SOX5: variants seen among roughly 807,000 people sequenced by gnomAD.
SOX5 encodes the protein SRY-box transcription factor 5.
SOX5 carries 9 observed loss-of-function variants against 92.0 expected under a neutral mutation model. That is an observed-to-expected ratio of 0.10 (90% CI 0.06 to 0.17). SOX5 has a LOEUF of 0.17. Among genes scored for constraint, SOX5 ranks in the 10% least tolerant of loss-of-function variants. The pLI is 1.00. For synonymous variants in SOX5, 344 were observed against 336.3 expected, an observed-to-expected ratio of 1.02 and a Z score of -0.25; for missense variants, 642 against 944.5, an observed-to-expected ratio of 0.68 and a Z score of 4.20.
At chr12:24,392,938 A>G (rs751493647) in intron 1 of SOX5, among the ~76,000 whole-genome samples, 2 of 152,170 alleles carry the variant, frequency 1.3e-5, no homozygotes, top group Non-Finnish European at 2.9e-5. Context: ...TAGGGCCCCC[A>G]TGTGAGAGCC....
At position 24,313,630 on chromosome 12, in the gene SOX5, G is replaced by C. The variant is rs1255115269; in HGVS notation, c.-173-36318C>G. Among the ~76,000 whole-genome samples, 7 of 152,162 alleles carry C rather than the reference G, an allele frequency of 4.6e-5. 1 individual carries two copies. ...GATGAACTGATCACTCGTGCTCCTT[G>C]TTTCCCCATTGGACTACTTTGTGCG... On this transcript the variant is annotated intron_variant, in intron 2 of 4. Coordinates refer to the SOX5 transcript ENST00000446891.
intron 4 of SOX5, among the ~76,000 whole-genome samples, chr12:24,103,175 AGAGGTTCATATACAAG>A (rs1191824283): frequency 2.0e-5 from 3 of 152,248 alleles, no homozygotes; most frequent in Non-Finnish European, 4.4e-5. Flanking sequence ...AAGTTGTACA[AGAGGTTCATATACAAG>A]GAACAAATTA....
intron 4 of SOX5, among the ~76,000 whole-genome samples, chr12:24,033,693 A>G (rs1955733534): frequency 6.6e-6 from 1 of 152,032 alleles, no homozygotes; most frequent in Admixed American, 6.6e-5. Flanking sequence ...ATCTCTGTTG[A>G]GCACAATGAG....
rs141727371 is a variant in SOX5, at chr12:24,023,304, C to T, written c.-1-127280G>A. The stretch of plus-strand genomic sequence containing the variant: ...TTCAAGTTTCTTCTTAAAGCCACTT[C>T]ATTTCCTTTCCCAAAACCAGTATTA... On this transcript the variant is annotated intron_variant, in intron 4 of 4. Coordinates refer to the SOX5 transcript ENST00000446891. 7.0e-4 allele frequency among the ~76,000 whole-genome samples: 106 copies of T among 152,226 alleles called. No individual in the cohort carries two copies. In the East Asian group the frequency reaches 0.015, roughly 22 times the overall value.
At chr12:23,684,719 T>C (rs1384378876) in intron 6 of SOX5, among the ~76,000 whole-genome samples, 1 of 152,138 alleles carries the variant, frequency 6.6e-6, no homozygotes, top group Non-Finnish European at 1.5e-5. Context: ...AGCTATCCTG[T>C]AGTGCTTAAA....
At chr12:24,407,240 C>T (rs770007384) in intron 1 of SOX5, among the ~76,000 whole-genome samples, 10 of 151,990 alleles carry the variant, frequency 6.6e-5, no homozygotes, top group Non-Finnish European at 1.2e-4. Flanking sequence ...AGGTGTGCCC[C>T]GGCAGCAGTC....
chr12:24,375,305 G>A (rs933848530), intron 1 of SOX5, among the ~76,000 whole-genome samples: 1 of 152,018 alleles, frequency 6.6e-6, no homozygotes, highest in Non-Finnish European at 1.5e-5. Context: ...TGCATCCTAG[G>A]CCCCTCCTTC....
intron 9 of SOX5, among the ~76,000 whole-genome samples, chr12:23,576,771 A>T (rs2136716738): frequency 6.6e-6 from 1 of 152,274 alleles, no homozygotes; most frequent in African/African-American, 2.4e-5. Context: ...TTAACATTAT[A>T]TCACTTTTTA....
chr12:24,215,829 G>A (rs1325000453), intron 3 of SOX5, among the ~76,000 whole-genome samples: 1 of 151,582 alleles, frequency 6.6e-6, no homozygotes, highest in Non-Finnish European at 1.5e-5. Context: ...AAAAGGGGAT[G>A]TATCCTTCCC....
intron 4 of SOX5, among the ~76,000 whole-genome samples, chr12:24,057,326 C>T (rs1379098776): frequency 6.6e-6 from 1 of 152,086 alleles, no homozygotes; most frequent in Non-Finnish European, 1.5e-5. Context: ...AGGGTAATTA[C>T]ATTGTGAACA....
At chr12:24,091,891 C>T (rs1195472377) in intron 4 of SOX5, among the ~76,000 whole-genome samples, 3 of 152,038 alleles carry the variant, frequency 2.0e-5, no homozygotes, top group African/African-American at 7.2e-5. Flanking sequence ...CCATTTAATA[C>T]GAGTTCCCCC....
chr12:24,006,968 T>A (rs1753812756), intron 4 of SOX5, among the ~76,000 whole-genome samples: 1 of 150,832 alleles, frequency 6.6e-6, no homozygotes, highest in Non-Finnish European at 1.5e-5. Flanking sequence ...ACCCCGTGTC[T>A]ACAAAAACAC....
At chr12:24,441,467 T>C (rs1176367572) in intron 1 of SOX5, among the ~76,000 whole-genome samples, 3 of 152,228 alleles carry the variant, frequency 2.0e-5, no homozygotes, top group Non-Finnish European at 2.9e-5. Flanking sequence ...TACTGCAGCC[T>C]AAAACAGCAA....
chr12:23,922,988 C>T (rs1300511613), intron 1 of SOX5, among the ~76,000 whole-genome samples: 1 of 151,750 alleles, frequency 6.6e-6, no homozygotes. Flanking sequence ...CTGTGTCACC[C>T]AGGCTGGAGT....
intron 9 of SOX5, among the ~76,000 whole-genome samples, chr12:23,590,061 C>T (rs183959200): frequency 1.7e-4 from 26 of 151,842 alleles, no homozygotes; most frequent in Admixed American, 3.3e-4. Flanking sequence ...ATAGAAATGA[C>T]GGTTTAGATG....
At chr12:24,373,637 T>C (rs1346654135) in intron 1 of SOX5, among the ~76,000 whole-genome samples, 2 of 152,210 alleles carry the variant, frequency 1.3e-5, no homozygotes, top group Non-Finnish European at 2.9e-5. Flanking sequence ...TATATGCATA[T>C]GGGTGTATAG....
intron 1 of SOX5, among the ~76,000 whole-genome samples, chr12:23,935,389 A>G (rs1942317736): frequency 6.6e-6 from 1 of 151,312 alleles, no homozygotes; most frequent in Non-Finnish European, 1.5e-5. Flanking sequence ...GAATTACTAT[A>G]CTGTAAAGAG....
chr12:24,204,402 C>A (rs1031324877), intron 4 of SOX5, among the ~76,000 whole-genome samples: 2 of 151,910 alleles, frequency 1.3e-5, no homozygotes, highest in African/African-American at 4.8e-5. Context: ...AATTCCGGCT[C>A]ACTGCAACCT....
intron 4 of SOX5, among the ~76,000 whole-genome samples, chr12:24,146,343 CT>C (rs777528229): frequency 6.6e-6 from 1 of 151,990 alleles, no homozygotes; most frequent in Non-Finnish European, 1.5e-5. Context: ...CAGGAACATC[CT>C]CAAATATTTG....
Sources: gnomAD v4.1 joint callset for allele counts (sites outside exome capture counted in the v4.1 genomes callset) on GRCh38, gnomAD v4.1.1 for gene constraint, MANE v1.5 for transcripts, NCBI Gene and HGNC (gene_info 2026-07-23, HGNC 2026-07-21) for gene names.